KDM4B: variants seen among roughly 807,000 people sequenced by gnomAD.
The protein encoded by KDM4B is lysine-specific demethylase 4B.
Under a neutral mutation model 125.2 loss-of-function variants are expected in KDM4B, and 32 were observed. The observed-to-expected ratio is 0.26, with a 90% confidence interval of 0.19 to 0.34. KDM4B has a LOEUF of 0.34. KDM4B is among the 10% of genes least tolerant of loss of function. The pLI, the probability that KDM4B is intolerant of heterozygous loss-of-function variation, is 1.00. For synonymous variants in KDM4B, 721 were observed against 677.9 expected, an observed-to-expected ratio of 1.06 and a Z score of -0.99; for missense variants, 1,190 against 1,577.7, an observed-to-expected ratio of 0.75 and a Z score of 4.16.
chr19:5,128,997 G>C (rs1329744288), intron 11 of KDM4B, among the ~76,000 whole-genome samples: 1 of 152,172 alleles, frequency 6.6e-6, no homozygotes, highest in East Asian at 1.9e-4. Flanking sequence ...AGCCCGGCCA[G>C]TGCCCCCAGT....
intron 1 of KDM4B, among the ~76,000 whole-genome samples, chr19:5,005,200 C>T (rs1484631032): frequency 6.6e-6 from 1 of 152,206 alleles, no homozygotes; most frequent in African/African-American, 2.4e-5. Flanking sequence ...TCTGAGGCTA[C>T]AGGAGTGGCC....
At position 5,077,373 on chromosome 19, in the gene KDM4B, TC is replaced by T; in HGVS notation, c.687del (p.Ser231AlafsTer13). 6.2e-7 allele frequency: 1 copy of T among 1,612,722 alleles called. No homozygotes were observed. On this transcript the variant is annotated frameshift_variant, in exon 8 of 23. Transcript: ENST00000159111. LOFTEE classifies it high-confidence loss of function. ...TCTGTCTTTTCGGCCCTAGGCTTCTTCCCCGGGAGCTCGCAGGGCTGCGACG... is the reference window on the plus strand; with the variant it reads ...TCTGTCTTTTCGGCCCTAGGCTTCTTCCCGGGAGCTCGCAGGGCTGCGACG... ...KRLERLAIGF[F>X]PGSSQGCDAF...
chr19:5,068,590 G>C (rs2037849636), intron 6 of KDM4B, among the ~76,000 whole-genome samples: 1 of 152,242 alleles, frequency 6.6e-6, no homozygotes, highest in Non-Finnish European at 1.5e-5. Context: ...CCTTGGGGGT[G>C]GCCGGGAGGC....
intron 12 of KDM4B, 28 bp from the exon 13 acceptor site, chr19:5,131,859 C>T: frequency 1.9e-6 from 3 of 1,612,574 alleles, no homozygotes; most frequent in Middle Eastern, 3.3e-4. Context: ...GTAGCGGGGC[C>T]CTCACTACAG....
In KDM4B at chr19:5,151,891, C is replaced by A; in HGVS notation, c.*380C>A. The A allele has an allele frequency of 5.2e-6, 1 of 193,726 alleles. No homozygotes were observed. Among genetic ancestry groups the A allele is most frequent in the Non-Finnish European group, 1.0e-5 (1 of 95,862 alleles). The allele number at this position is 193,726 out of a possible 1,614,324, so 12.0% of individuals were successfully genotyped here. ...TAAATACATATTGTTTAAAAAAAAG[C>A]AAGAAAAAAAGGAAAACAAAGGAAA... is the stretch of plus-strand genomic sequence containing the variant. On this transcript the variant is annotated 3_prime_UTR_variant, in exon 23 of 23. Coordinates refer to ENST00000159111, the MANE Select transcript of KDM4B (RefSeq NM_015015.3).
At chr19:5,019,686 A>AGGTGTTGGTGTG (rs1298428195) in intron 2 of KDM4B, among the ~76,000 whole-genome samples, 25 of 114,834 alleles carry the variant, frequency 2.2e-4, no homozygotes, top group Admixed American at 2.1e-3. Flanking sequence ...GTTGGTGTGC[A>AGGTGTTGGTGTG]GGTGTTGGTG....
intron 9 of KDM4B, among the ~76,000 whole-genome samples, chr19:5,095,970 C>T (rs1353081110): frequency 2.0e-5 from 3 of 152,222 alleles, no homozygotes; most frequent in Non-Finnish European, 4.4e-5. Context: ...CACCAAGGGG[C>T]AGGCTGCCGA....
At position 5,047,458 on chromosome 19, in the gene KDM4B, T is replaced by G; in HGVS notation, c.433-18T>G. 6.3e-7 allele frequency: 1 copy of G among 1,585,980 alleles called. No homozygotes were observed. The highest frequency in any genetic ancestry group is 1.3e-5 in the African/African-American group (1 of 74,284). On this transcript the variant is annotated intron_variant, in intron 5 of 22. Transcript: ENST00000159111. ...GGGGTGGCCGGGCGGTTGCCGACGC[T>G]GCTCTGCCGCCCCACAGGACGTGGC...
intron 3 of KDM4B, among the ~76,000 whole-genome samples, chr19:5,034,413 G>A (rs1189662823): frequency 6.6e-6 from 1 of 152,346 alleles, no homozygotes; most frequent in Non-Finnish European, 1.5e-5. Flanking sequence ...GCAACCAGAC[G>A]CCGTGTGAAT....
intron 18 of KDM4B, among the ~76,000 whole-genome samples, chr19:5,143,576 C>T (rs753280357): frequency 7.2e-5 from 11 of 152,124 alleles, no homozygotes; most frequent in Non-Finnish European, 1.3e-4. Flanking sequence ...CCTCTGTGTC[C>T]CCAGGGCACA....
intron 10 of KDM4B, chr19:5,111,922 A>G (rs1192759389): frequency 5.6e-6 from 4 of 716,068 alleles, no homozygotes; most frequent in Non-Finnish European, 1.0e-5. Flanking sequence ...TTTACATGCT[A>G]CCAAATACGA....
chr19:5,116,972 C>A (rs1220419304), intron 10 of KDM4B, among the ~76,000 whole-genome samples: 4 of 152,146 alleles, frequency 2.6e-5, no homozygotes. Flanking sequence ...ATGTCAGGGT[C>A]AGGAAGAGGC....
chr19:5,117,460 G>A (rs1409640281), intron 10 of KDM4B, among the ~76,000 whole-genome samples: 2 of 152,080 alleles, frequency 1.3e-5, no homozygotes, highest in African/African-American at 2.4e-5. Flanking sequence ...GTGGGATCCC[G>A]GCCCTACAGC....
chr19:5,091,610 T>C (rs2038706309), intron 9 of KDM4B, among the ~76,000 whole-genome samples: 1 of 152,114 alleles, frequency 6.6e-6, no homozygotes, highest in African/African-American at 2.4e-5. Context: ...ACTTAATTAC[T>C]GTAAAATTCA....
At position 5,131,908 on chromosome 19, in the gene KDM4B, T is replaced by C. The variant is rs773159658; in HGVS notation, c.1807T>C (p.Leu603=). The C allele has an allele frequency of 6.2e-7, 1 of 1,612,750 alleles. No individual in the cohort carries two copies. Among genetic ancestry groups the C allele is most frequent in the East Asian group, 2.2e-5 (1 of 44,834 alleles). The stretch of plus-strand genomic sequence containing the variant: ...TCAGGCACCGTCCACATTTTCCAAA[T>C]TGAAGATGGAGATCAAGAAGAGCCG... ...EGQAPSTFSK[L]KMEIKKSRRH... is the part of the protein sequence containing the mutation. The change falls in exon 13 of 23, where the codon TTG becomes CTG. Residue 603 remains leucine (L), a synonymous_variant. Coordinates refer to ENST00000159111, the MANE Select transcript of KDM4B (RefSeq NM_015015.3).
intron 3 of KDM4B, among the ~76,000 whole-genome samples, chr19:5,034,623 C>T (rs759268519): frequency 1.3e-5 from 2 of 152,186 alleles, no homozygotes; most frequent in East Asian, 1.9e-4. Flanking sequence ...GTTTGCTGAG[C>T]GCTGAGGCCT....
chr19:5,061,828 T>TAA (rs71170891), intron 6 of KDM4B, among the ~76,000 whole-genome samples: 18 of 138,296 alleles, frequency 1.3e-4, no homozygotes, highest in Admixed American at 2.8e-4. Context: ...CCCTGTCTCT[T>TAA]AAAAAAAAAA....
intron 18 of KDM4B, among the ~76,000 whole-genome samples, chr19:5,139,623 G>A (rs963684256): frequency 1.3e-5 from 2 of 152,248 alleles, no homozygotes; most frequent in African/African-American, 4.8e-5. Context: ...CCTAGCAGGT[G>A]CGAGGTGGTC....
At chr19:5,009,754 C>G (rs2035672338) in intron 1 of KDM4B, among the ~76,000 whole-genome samples, 1 of 150,946 alleles carries the variant, frequency 6.6e-6, no homozygotes, top group African/African-American at 2.4e-5. Context: ...TTTTTTGAGT[C>G]AGAGCCTTGC....
Sources: allele counts gnomAD v4.1 joint callset (sites outside exome capture counted in the v4.1 genomes callset), GRCh38; gene constraint gnomAD v4.1.1; transcripts MANE v1.5; gene names NCBI Gene and HGNC (gene_info 2026-07-23, HGNC 2026-07-21).